SEL1L: variants seen among roughly 807,000 people sequenced by gnomAD.
SEL1L encodes SEL1L adaptor subunit of SYVN1 ubiquitin ligase, also known as protein sel-1 homolog 1.
In SEL1L, 52 loss-of-function variants were observed where a neutral mutation model predicts 109.8. The ratio of observed to expected loss-of-function variants is 0.47; its 90% CI spans 0.38 to 0.60. The LOEUF is 0.60. Among genes scored for constraint, SEL1L ranks in the 20% least tolerant of loss-of-function variants. SEL1L has a pLI of 0.00. For missense variants in SEL1L, 749 were observed against 962.2 expected, an observed-to-expected ratio of 0.78 and a Z score of 2.93; for synonymous variants, 373 against 339.6, an observed-to-expected ratio of 1.10 and a Z score of -1.08.
chr14:81,512,147 T>A (rs1045911487), intron 3 of SEL1L, among the ~76,000 whole-genome samples: 2 of 151,374 alleles, frequency 1.3e-5, no homozygotes, highest in Non-Finnish European at 2.9e-5. Flanking sequence ...GATTTTTGGA[T>A]GAAATTATTT....
In SEL1L at chr14:81,489,334, G is replaced by C; in HGVS notation, c.1333-20C>G. 1 of 1,605,166 alleles carries C rather than the reference G, an allele frequency of 6.2e-7. No homozygotes were observed. The highest frequency in any genetic ancestry group is 1.1e-5 in the South Asian group (1 of 90,668). On this transcript the variant is annotated intron_variant, in intron 13 of 20. Transcript: ENST00000336735. ...GTTGCCCTGCAAAGCAGAGAAATCA[G>C]ACAAAAGAGTGAAAAGAATTCATTC...
chr14:81,510,362 G>A (rs1884411497), intron 3 of SEL1L, among the ~76,000 whole-genome samples: 1 of 151,982 alleles, frequency 6.6e-6, no homozygotes, highest in South Asian at 2.1e-4. Context: ...TAGCTGGAGG[G>A]GGACTAAGGG....
chr14:81,510,478 C>G (rs555258781), intron 3 of SEL1L, among the ~76,000 whole-genome samples: 149 of 90,246 alleles, frequency 1.7e-3, no homozygotes, highest in African/African-American at 8.3e-3. Context: ...GCTGATCTCT[C>G]TCTCTCTCTC....
chr14:81,515,727 G>C (rs1884673531), intron 3 of SEL1L, among the ~76,000 whole-genome samples: 1 of 152,152 alleles, frequency 6.6e-6, no homozygotes, highest in Non-Finnish European at 1.5e-5. Context: ...TCACTTGAGG[G>C]TCAATTGATT....
intron 18 of SEL1L, among the ~76,000 whole-genome samples, chr14:81,485,454 T>TTC (rs1209117066): frequency 1.3e-5 from 2 of 151,162 alleles, no homozygotes; most frequent in Non-Finnish European, 2.9e-5. Flanking sequence ...TTTTTTTGTT[T>TTC]TTTTTTTTTT....
chr14:81,532,561 T>C (rs866571325), intron 1 of SEL1L, among the ~76,000 whole-genome samples: 3 of 152,166 alleles, frequency 2.0e-5, no homozygotes, highest in Non-Finnish European at 2.9e-5. Context: ...GTAATTAGCA[T>C]AGGGTTGGTG....
rs772490685 is a variant in SEL1L at position 81,499,669 on chromosome 14, T to C, written c.778-7A>G. 3 of 1,601,644 alleles carry C rather than the reference T, an allele frequency of 1.9e-6. No homozygotes were observed. The highest frequency in any genetic ancestry group is 2.5e-6 in the Non-Finnish European group (3 of 1,177,120). On this transcript the variant is annotated splice_region_variant and splice_polypyrimidine_tract_variant and intron_variant, in intron 6 of 20. Transcript: ENST00000336735. ...CATACAGAAAGCCAAGAGCCTGAAA[T>C]AGATGATAAAAGTAAGAAATCTTGC...
chr14:81,499,311 A>G (rs1805028881), intron 8 of SEL1L, 148 bp downstream of exon 8: 1 of 1,405,482 alleles, frequency 7.1e-7, no homozygotes. Flanking sequence ...TGTTATATCC[A>G]TTAACAAGAA....
rs1415374005 is a variant in SEL1L, at chr14:81,506,073, C to T, written c.508+1G>A. ...TCTGCCTCCTACTGAGCAATACTTA[C>T]TTTCACAAAAGCCCCACTTTTCATC... On this transcript the variant is annotated splice_donor_variant, in intron 4 of 20. Coordinates refer to ENST00000336735, the MANE Select transcript of SEL1L (RefSeq NM_005065.6). LOFTEE classifies it high-confidence loss of function. The T allele has an allele frequency of 6.2e-7, 1 of 1,613,382 alleles. No individual in the cohort carries two copies. The highest frequency in any genetic ancestry group is 8.5e-7 in the Non-Finnish European group (1 of 1,179,558).
rs1903039090 is a variant in SEL1L at position 81,472,439 on chromosome 14, A to C, written c.*4533T>G. On this transcript the variant is annotated 3_prime_UTR_variant, in exon 21 of 21. Transcript: ENST00000336735. ...TTGCCTGCTGGGAAGCTGGGGGCCA[A>C]ATTTGTAGCCCACTTCCAATTGCAC... is the stretch of plus-strand genomic sequence containing the variant. 5 of 215,032 alleles carry C rather than the reference A, an allele frequency of 2.3e-5. No individual in the cohort carries two copies. In the South Asian group the frequency reaches 2.9e-4, roughly 12 times the overall value. 13.3% of individuals were successfully genotyped at this position (215,032 alleles called of 1,614,324 possible). A position where few individuals can be genotyped will look rare whatever the true frequency, so the allele number is the denominator to read the frequency against.
chr14:81,493,296 G>C (rs1020943428), intron 11 of SEL1L, among the ~76,000 whole-genome samples: 1 of 152,096 alleles, frequency 6.6e-6, no homozygotes, highest in Non-Finnish European at 1.5e-5. Flanking sequence ...AATCACTTGA[G>C]GTCAGGAGTT....
rs186157873 is a variant in SEL1L at position 81,471,676 on chromosome 14, T to C, written c.*5296A>G. ...TTTAATATACAATTCAGCATTAACA[T>C]TGTTATGTTTAAAAGAAATTAACCC... On this transcript the variant is annotated 3_prime_UTR_variant, in exon 21 of 21. Transcript: ENST00000336735. The C allele has an allele frequency of 7.2e-4, 110 of 152,330 alleles. No homozygotes were observed. The highest frequency in any genetic ancestry group is 2.5e-3 in the African/African-American group (106 of 41,576). 9.4% of individuals were successfully genotyped at this position (152,330 alleles called of 1,614,324 possible). A position where few individuals can be genotyped will look rare whatever the true frequency, so the allele number is the denominator to read the frequency against.
At chr14:81,506,317 G>T in intron 3 of SEL1L, 76 bp from the exon 4 acceptor site, 1 of 1,324,678 alleles carries the variant, frequency 7.5e-7, no homozygotes, top group Non-Finnish European at 1.0e-6. Flanking sequence ...CATCAATTTT[G>T]GCTGTTGGAA....
intron 19 of SEL1L, 59 bp downstream of exon 19, chr14:81,484,166 G>T: frequency 6.6e-7 from 1 of 1,509,436 alleles, no homozygotes; most frequent in Admixed American, 1.8e-5. Flanking sequence ...CTATACAAAT[G>T]CAAGTATTTT....
intron 5 of SEL1L, 149 bp downstream of exon 5, chr14:81,504,052 A>C (rs1884126674): frequency 2.0e-6 from 1 of 489,182 alleles, no homozygotes; most frequent in Middle Eastern, 2.9e-4. Flanking sequence ...AATGCTACTA[A>C]TGCCCGTAAG....
At chr14:81,494,113 C>CTATCCAAT (rs1883647507) in intron 11 of SEL1L, among the ~76,000 whole-genome samples, 1 of 152,172 alleles carries the variant, frequency 6.6e-6, no homozygotes, top group South Asian at 2.1e-4. Flanking sequence ...TCTGAACACA[C>CTATCCAAT]TATCCAATGC....
intron 18 of SEL1L, 43 bp downstream of exon 18, chr14:81,485,629 G>T (rs765194591): frequency 1.1e-5 from 16 of 1,482,678 alleles, no homozygotes; most frequent in Non-Finnish European, 1.5e-5. Context: ...ACAACATAGG[G>T]AGGTCCCTGG....
chr14:81,496,399 C>G (rs1052676199), intron 10 of SEL1L, among the ~76,000 whole-genome samples: 3 of 152,164 alleles, frequency 2.0e-5, no homozygotes, highest in African/African-American at 7.2e-5. Flanking sequence ...CAAATGGGTG[C>G]TCTTCAGAAA....
chr14:81,499,453 A>G lies in SEL1L; in HGVS notation c.891+6T>C. The stretch of plus-strand genomic sequence containing the variant: ...TATTATTAGCCTTCCACTAAAGTCT[A>G]CTTACCAAAACCATGTGGGCTATTA... On this transcript the variant is annotated splice_donor_region_variant and intron_variant, in intron 8 of 20. Coordinates refer to ENST00000336735, the MANE Select transcript of SEL1L (RefSeq NM_005065.6). The G allele has an allele frequency of 4.3e-6, 7 of 1,609,242 alleles. No individual in the cohort carries two copies. Among genetic ancestry groups the G allele is most frequent in the Non-Finnish European group, 4.2e-6 (5 of 1,178,712 alleles).
Sources: gnomAD v4.1 joint callset for allele counts (sites outside exome capture counted in the v4.1 genomes callset) on GRCh38, gnomAD v4.1.1 for gene constraint, MANE v1.5 for transcripts, NCBI Gene and HGNC (gene_info 2026-07-23, HGNC 2026-07-21) for gene names.